Variants in NBPF26 observed in about 807,000 individuals in gnomAD.
NBPF26 encodes NBPF family member NBPF26.
In NBPF26, 79 loss-of-function variants were observed where a neutral mutation model predicts 119.6. The observed-to-expected ratio is 0.66, with a 90% CI of 0.55 to 0.80. The LOEUF is 0.80. Ranked by LOEUF, NBPF26 falls within the 30% of genes least tolerant of loss-of-function variation. The pLI is 0.00. For synonymous variants in NBPF26, 299 were observed against 457.7 expected (o/e 0.65, Z 4.43); for missense variants, 800 against 1,198.2 (o/e 0.67, Z 4.91).
intron 3 of NBPF26, among the ~76,000 whole-genome samples, chr1:120,790,800 A>C (rs1274069079): frequency 9.5e-6 from 1 of 105,134 alleles, no homozygotes; most frequent in Non-Finnish European, 1.8e-5. Context: ...GCGTTTCACC[A>C]TGTTGGCCAG....
At position 120,816,852 on chromosome 1, in the gene NBPF26, C is replaced by T. The variant is rs1437966416; in HGVS notation, c.2371+25C>T. On this transcript the variant is annotated intron_variant, in intron 14 of 29. Coordinates refer to ENST00000620612, the Ensembl canonical transcript of NBPF26. ...GGTAGCCTCTGTTTTCCTTGTGTCT[C>T]ATACCTCTTTCTTGGCTGAGGAAGA... is the stretch of plus-strand genomic sequence containing the variant. The T allele has an allele frequency of 9.9e-5, 143 of 1,450,358 alleles. 25 individuals are homozygous for T. The highest frequency in any genetic ancestry group is 9.5e-4 in the African/African-American group (38 of 40,188). The allele number at this position is 1,450,358 out of a possible 1,614,324, so 89.8% of individuals were successfully genotyped here. A position where few individuals can be genotyped will look rare whatever the true frequency, so the allele number is the denominator to read the frequency against.
chr1:120,761,120 T>C (rs1223709111), intron 1 of NBPF26, among the ~76,000 whole-genome samples: 1 of 124,930 alleles, frequency 8.0e-6, no homozygotes, highest in Non-Finnish European at 1.6e-5. Context: ...TCACTAGGGC[T>C]AGGCTGTAAA....
exon 17 of NBPF26, chr1:120,823,330 A>T (rs1553272248): frequency 7.0e-7 from 1 of 1,422,772 alleles, no homozygotes; most frequent in Non-Finnish European, 9.3e-7. Context: ...GATCAAGTGA[A>T]AAAGGAGGAC....
rs1464292867 is a variant in NBPF26 at position 120,768,637 on chromosome 1, G to A, written c.155+4928G>A. On this transcript the variant is annotated intron_variant, in intron 2 of 29. Coordinates refer to ENST00000620612, the Ensembl canonical transcript of NBPF26. ...AAAAAAAACAAAACTGTAAATGTGG[G>A]TTTCATATAGTTTGCTTCGCTTTTT... Among the ~76,000 whole-genome samples the A allele has an allele frequency of 6.0e-3, 652 of 108,734 alleles. 230 individuals carry two copies. The highest frequency in any genetic ancestry group is 0.035 in the African/African-American group (620 of 17,528). 71.3% of individuals were successfully genotyped at this position (108,734 alleles called of 152,430 possible). A position where few individuals can be genotyped will look rare whatever the true frequency, so the allele number is the denominator to read the frequency against.
intron 1 of NBPF26, among the ~76,000 whole-genome samples, chr1:120,728,414 G>A (rs1650838903): frequency 9.1e-6 from 1 of 110,084 alleles, no homozygotes; most frequent in African/African-American, 5.6e-5. Flanking sequence ...TTCCCCAGAT[G>A]TTTCATTTAA....
intron 5 of NBPF26, among the ~76,000 whole-genome samples, chr1:120,806,869 T>A (rs1651700771): frequency 8.1e-6 from 1 of 123,600 alleles, no homozygotes; most frequent in South Asian, 2.5e-4. Flanking sequence ...TGTAAATTGC[T>A]GCAATGAATT....
intron 1 of NBPF26, among the ~76,000 whole-genome samples, chr1:120,759,108 C>T (rs1258724067): frequency 4.0e-5 from 3 of 75,756 alleles, no homozygotes; most frequent in South Asian, 3.8e-4. Context: ...TTGTGCCTGC[C>T]GATAGTAGAT....
chr1:120,802,269 ATGAACT>A lies in NBPF26; in HGVS notation c.752-3282_752-3277del, dbSNP rs1651591514. Among the ~76,000 whole-genome samples the A allele has an allele frequency of 1.6e-5, 2 of 126,180 alleles. 1 individual carries two copies. Among genetic ancestry groups the A allele is most frequent in the African/African-American group, 7.5e-5 (2 of 26,702 alleles). 82.8% of individuals were successfully genotyped at this position (126,180 alleles called of 152,430 possible). ...AATGAGAATCCCTGTAAGGAGGACG[ATGAACT>A]TGAATTTGCACTGACTTTCCCAGCT... On this transcript the variant is annotated intron_variant, in intron 4 of 29. Transcript: ENST00000620612.
At chr1:120,790,583 T>TCTTTCTTA (rs1651479629) in intron 3 of NBPF26, among the ~76,000 whole-genome samples, 1 of 106,468 alleles carries the variant, frequency 9.4e-6, no homozygotes, top group Non-Finnish European at 1.7e-5. Flanking sequence ...TTTCTTTCTT[T>TCTTTCTTA]CTTTCTTTCT....
At position 120,793,744 on chromosome 1, in the gene NBPF26, T is replaced by A; in HGVS notation, c.751+248T>A. On this transcript the variant is annotated intron_variant, in intron 4 of 29. Transcript: ENST00000620612. The stretch of plus-strand genomic sequence containing the variant: ...AGAAAATTGTTTATTGTCCCTTTTG[T>A]AGAAACAGTGAGAAATAAGAGGAAC... 5 of 780,688 alleles carry A rather than the reference T, an allele frequency of 6.4e-6. 1 individual carries two copies. The highest frequency in any genetic ancestry group is 1.0e-5 in the Non-Finnish European group (5 of 482,112). The allele number at this position is 780,688 out of a possible 1,614,324, so 48.4% of individuals were successfully genotyped here. A position where few individuals can be genotyped will look rare whatever the true frequency, so the allele number is the denominator to read the frequency against.
At chr1:120,788,937 T>A (rs1651452699) in intron 3 of NBPF26, among the ~76,000 whole-genome samples, 1 of 36,814 alleles carries the variant, frequency 2.7e-5, no homozygotes, top group Non-Finnish European at 5.3e-5. Flanking sequence ...AAGTCCAACA[T>A]AATCAACCTG....
chr1:120,807,419 T>C (rs1375477317), intron 5 of NBPF26, among the ~76,000 whole-genome samples, 188 bp from the exon 6 acceptor site: 1 of 122,056 alleles, frequency 8.2e-6, no homozygotes, highest in African/African-American at 4.1e-5. Context: ...TTCTTCGTCT[T>C]TAAATTTTGG....
rs1335131351 is a variant in NBPF26 at position 120,770,230 on chromosome 1, C to T, written c.155+6521C>T. Among the ~76,000 whole-genome samples the T allele has an allele frequency of 6.2e-4, 63 of 101,968 alleles. 9 individuals are homozygous for T. Among genetic ancestry groups the T allele is most frequent in the Admixed American group, 3.7e-3 (39 of 10,460 alleles). The allele number at this position is 101,968 out of a possible 152,430, so 66.9% of individuals were successfully genotyped here. ...TGTGGCCCAGGCTGGAGTGCAGTGG[C>T]GCTTTCTTGGCTCACTGCAAGCTCC... On this transcript the variant is annotated intron_variant, in intron 2 of 29. Coordinates refer to ENST00000620612, the Ensembl canonical transcript of NBPF26.
At chr1:120,724,199 C>T (rs1421816523) in exon 1 of NBPF26, 1 of 1,403,600 alleles carries the variant, frequency 7.1e-7, no homozygotes, top group South Asian at 1.3e-5. Context: ...GCGTCCCGCT[C>T]TGCTGTGGGC....
In NBPF26 at chr1:120,780,028, C is replaced by T. The variant is rs1241695461; in HGVS notation, c.156-4946C>T. On this transcript the variant is annotated intron_variant, in intron 2 of 29. Transcript: ENST00000620612. Reference sequence around the variant, plus strand: ...AGGTTGATTTGGCCTGTTATTCTACCAGGCAGATCACAGAGTAGAGATGGA... The same window carrying T: ...AGGTTGATTTGGCCTGTTATTCTACTAGGCAGATCACAGAGTAGAGATGGA... Among the ~76,000 whole-genome samples the T allele has an allele frequency of 2.3e-5, 3 of 131,304 alleles. 1 individual carries two copies. The highest frequency in any genetic ancestry group is 4.8e-5 in the Non-Finnish European group (3 of 62,336). The allele number at this position is 131,304 out of a possible 152,430, so 86.1% of individuals were successfully genotyped here.
rs1651177533 is a variant in NBPF26 at position 120,765,178 on chromosome 1, T to A, written c.155+1469T>A. ...TTCTAGCTGGGGGAAAAAAAAAACA[T>A]GTGGTGCATTCTCCTCTAAGAATGG... On this transcript the variant is annotated intron_variant, in intron 2 of 29. Coordinates refer to ENST00000620612, the Ensembl canonical transcript of NBPF26. 1.7e-5 allele frequency among the ~76,000 whole-genome samples: 2 copies of A among 120,022 alleles called. 1 individual carries two copies. Among genetic ancestry groups the A allele is most frequent in the African/African-American group, 8.4e-5 (2 of 23,732 alleles). The allele number at this position is 120,022 out of a possible 152,430, so 78.7% of individuals were successfully genotyped here.
rs1229445411 is a variant in NBPF26, at chr1:120,806,721, G to A, written c.962-886G>A. Among the ~76,000 whole-genome samples the A allele has an allele frequency of 8.2e-5, 10 of 121,678 alleles. 2 individuals carry two copies. The highest frequency in any genetic ancestry group is 1.2e-4 in the African/African-American group (3 of 24,996). The allele number at this position is 121,678 out of a possible 152,430, so 79.8% of individuals were successfully genotyped here. A position where few individuals can be genotyped will look rare whatever the true frequency, so the allele number is the denominator to read the frequency against. Reference sequence around the variant, plus strand: ...CTAAAGAGGAAGAAAGATCACACCCGAGAATGTGTGGAAGCAGCAGTGCAG... The same window carrying A: ...CTAAAGAGGAAGAAAGATCACACCCAAGAATGTGTGGAAGCAGCAGTGCAG... On this transcript the variant is annotated intron_variant, in intron 5 of 29. Coordinates refer to ENST00000620612, the Ensembl canonical transcript of NBPF26.
At position 120,783,965 on chromosome 1, in the gene NBPF26, C is replaced by T. The variant is rs1651394267; in HGVS notation, c.156-1009C>T. 5.5e-5 allele frequency among the ~76,000 whole-genome samples: 6 copies of T among 109,134 alleles called. 3 individuals carry two copies. The South Asian group carries it at 1.7e-3, about 30-fold the overall frequency. The allele number at this position is 109,134 out of a possible 152,430, so 71.6% of individuals were successfully genotyped here. A position where few individuals can be genotyped will look rare whatever the true frequency, so the allele number is the denominator to read the frequency against. On this transcript the variant is annotated intron_variant, in intron 2 of 29. Coordinates refer to ENST00000620612, the Ensembl canonical transcript of NBPF26. ...GAGGAAAGTCATTGTTTTTAGAAAA[C>T]AGTTTCTAAGCAATAATTAGAATTA... is the stretch of plus-strand genomic sequence containing the variant.
intron 3 of NBPF26, 34 bp downstream of exon 3, chr1:120,785,267 C>A: frequency 7.0e-7 from 1 of 1,437,442 alleles, no homozygotes; most frequent in Non-Finnish European, 9.3e-7. Flanking sequence ...TGCTTCCCTA[C>A]CTTCAGCAGA....
Sources: gnomAD v4.1 joint callset for allele counts (sites outside exome capture counted in the v4.1 genomes callset) on GRCh38, gnomAD v4.1.1 for gene constraint, MANE v1.5 for transcripts, NCBI Gene and HGNC (gene_info 2026-07-23, HGNC 2026-07-21) for gene names.